The following AP3D1 variants were observed in gnomAD, a reference collection of about 807,000 sequenced individuals.
The protein encoded by AP3D1 is AP-3 complex subunit delta-1.
Under a neutral mutation model 147.6 loss-of-function variants are expected in AP3D1, and 51 were observed. That is an observed-to-expected ratio of 0.35 (90% CI 0.28 to 0.44). The LOEUF is 0.44. Among genes scored for constraint, AP3D1 ranks in the 20% least tolerant of loss-of-function variants. The probability of loss-of-function intolerance (pLI) is 1.00; values close to 1 mark genes in which losing one functional copy is unlikely to be tolerated. For synonymous variants in AP3D1, 760 were observed against 663.0 expected (o/e 1.15, Z -2.25); for missense variants, 1,421 against 1,624.2 (o/e 0.87, Z 2.15).
chr19:2,129,105 G>A lies in AP3D1; in HGVS notation c.791C>T (p.Thr264Ile). Reference protein sequence around the residue: ...RLGKKLIEPLTNLIHSTSAMS... With the variant: ...RLGKKLIEPLINLIHSTSAMS... ...CTGCACTCACCTGTGGATGAGATTG[G>A]TGAGGGGCTCGATCAGCTTCTTGCC... Residue 264 changes from threonine to isoleucine, a missense_variant, in exon 8 of 32, where the codon ACC becomes ATC. Thr to Ile is a moderately conservative substitution (Grantham distance 89). This residue lies in a region of AP3D1 where 292 missense variants were observed against 412.0 expected (regional missense o/e 0.71). Coordinates refer to ENST00000643116, the MANE Select transcript of AP3D1 (RefSeq NM_001261826.3). The A allele has an allele frequency of 6.3e-7, 1 of 1,589,690 alleles. No homozygotes were observed. The highest frequency in any genetic ancestry group is 8.6e-7 in the Non-Finnish European group (1 of 1,169,120).
intron 1 of AP3D1, among the ~76,000 whole-genome samples, chr19:2,147,443 C>T (rs1222876093): frequency 7.1e-6 from 1 of 141,418 alleles, no homozygotes; most frequent in Non-Finnish European, 1.5e-5. Context: ...AGTTGGAGTC[C>T]GCTGGGGAGG....
At chr19:2,132,330 G>T in intron 5 of AP3D1, 141 bp downstream of exon 5, 1 of 671,166 alleles carries the variant, frequency 1.5e-6, no homozygotes, top group Admixed American at 2.5e-5. Flanking sequence ...AGCTGACAGT[G>T]ATTTGGTTCC....
intron 31 of AP3D1, among the ~76,000 whole-genome samples, chr19:2,107,027 G>A (rs924042978): frequency 1.1e-4 from 17 of 152,278 alleles, no homozygotes; most frequent in African/African-American, 3.1e-4. Context: ...ACTTTGGGAG[G>A]CCGAGGCAGA....
At chr19:2,130,794 T>C (rs1013946201) in intron 5 of AP3D1, among the ~76,000 whole-genome samples, 15 of 152,154 alleles carry the variant, frequency 9.9e-5, no homozygotes, top group African/African-American at 2.7e-4. Flanking sequence ...GGTCCCACAG[T>C]GGGAGGAAGG....
chr19:2,113,263 G>C, intron 23 of AP3D1, 73 bp downstream of exon 23: 1 of 833,354 alleles, frequency 1.2e-6, no homozygotes. Context: ...GGAGACCCAG[G>C]GCTCTTCCCT....
chr19:2,136,195 G>A (rs920801719), intron 4 of AP3D1, among the ~76,000 whole-genome samples: 8 of 152,378 alleles, frequency 5.3e-5, no homozygotes, highest in East Asian at 1.9e-4. Flanking sequence ...CCACAACGGT[G>A]AGCCCAGCAG....
rs1366374851 is a variant in AP3D1 at position 2,128,996 on chromosome 19, G to A, written c.806+94C>T. 5.8e-4 allele frequency: 152 copies of A among 260,492 alleles called. 11 individuals carry two copies. The highest frequency in any genetic ancestry group is 1.1e-3 in the South Asian group (38 of 34,534). The allele number at this position is 260,492 out of a possible 1,614,324, so 16.1% of individuals were successfully genotyped here. ...GGAGCCGGCCCGCCCCCGCCGCTCC[G>A]ACACTGCACCCCGTGGAGCCGGCCC... On this transcript the variant is annotated intron_variant, in intron 8 of 31. Transcript: ENST00000643116.
At chr19:2,111,130 G>T in intron 26 of AP3D1, 155 bp downstream of exon 26, 1 of 1,045,844 alleles carries the variant, frequency 9.6e-7, no homozygotes. Context: ...CTTACCCCAA[G>T]CCAGAGGTGC....
chr19:2,140,269 T>C (rs1009893855), intron 1 of AP3D1, among the ~76,000 whole-genome samples: 5 of 152,126 alleles, frequency 3.3e-5, no homozygotes, highest in Admixed American at 3.3e-4. Context: ...CTGGGGTTCC[T>C]CCACGGTTCC....
intron 15 of AP3D1, 56 bp downstream of exon 15, chr19:2,118,545 A>G (rs1043827031): frequency 4.6e-6 from 7 of 1,531,138 alleles, no homozygotes; most frequent in Non-Finnish European, 6.2e-6. Flanking sequence ...GCCACTGGAC[A>G]GAAAGGCACT....
chr19:2,103,893 G>A (rs1048395206), intron 31 of AP3D1, among the ~76,000 whole-genome samples: 8 of 151,658 alleles, frequency 5.3e-5, no homozygotes, highest in Non-Finnish European at 7.4e-5. Context: ...TGGCAAGGCC[G>A]TCGGTAGACC....
chr19:2,123,244 G>A, intron 11 of AP3D1, 114 bp downstream of exon 11: 6 of 1,089,984 alleles, frequency 5.5e-6, no homozygotes, highest in Non-Finnish European at 6.8e-6. Flanking sequence ...CATCCATCAG[G>A]GAGACAGCTG....
chr19:2,146,607 C>T (rs1329932647), intron 1 of AP3D1, among the ~76,000 whole-genome samples: 1 of 66,664 alleles, frequency 1.5e-5, no homozygotes, highest in Non-Finnish European at 3.3e-5. Context: ...GACCCTGTCT[C>T]AAAAAAAAAA....
At chr19:2,164,424 G>A (rs913373127) in exon 1 of AP3D1, 12 of 457,594 alleles carry the variant, frequency 2.6e-5, no homozygotes, top group Non-Finnish European at 4.1e-5. Flanking sequence ...CTTCCCGGCC[G>A]AGGGCCCCGC....
chr19:2,124,876 T>C (rs1294380038), intron 9 of AP3D1, among the ~76,000 whole-genome samples: 2 of 152,044 alleles, frequency 1.3e-5, no homozygotes, highest in Non-Finnish European at 2.9e-5. Flanking sequence ...GAGGCAGAGG[T>C]TGCGGTGAGC....
At chr19:2,113,244 A>C (rs1351675475) in intron 23 of AP3D1, 92 bp downstream of exon 23, 4 of 711,788 alleles carry the variant, frequency 5.6e-6, no homozygotes, top group Admixed American at 2.9e-5. Context: ...GCGAGAGCAC[A>C]GGGCCTCAGG....
intron 1 of AP3D1, among the ~76,000 whole-genome samples, chr19:2,142,415 G>A (rs1272509117): frequency 6.6e-6 from 1 of 152,136 alleles, no homozygotes; most frequent in African/African-American, 2.4e-5. Context: ...CTCCCACAGT[G>A]CTGGGATTAA....
intron 18 of AP3D1, 130 bp downstream of exon 18, chr19:2,116,077 A>G: frequency 1.1e-6 from 1 of 882,084 alleles, no homozygotes; most frequent in Non-Finnish European, 1.7e-6. Flanking sequence ...GGCTCCGCAC[A>G]GTCACCGTGT....
Position 2,110,181 on chromosome 19 carries a change from G to A in AP3D1, c.3219C>T (p.Ile1073=), listed in dbSNP as rs756440427. 3.7e-6 allele frequency: 6 copies of A among 1,612,800 alleles called. No individual in the cohort carries two copies. The highest frequency in any genetic ancestry group is 4.2e-6 in the Non-Finnish European group (5 of 1,179,984). Residue 1073 remains isoleucine (I), a synonymous_variant, in exon 28 of 32, where the codon ATC becomes ATT. Coordinates refer to ENST00000643116, the MANE Select transcript of AP3D1 (RefSeq NM_001261826.3). ...TCCCCTTGAGCTTCTGCGCCATGAC[G>A]ATGCTCTGGATGGTGAACACATACT... ...EAQYVFTIQS[I]VMAQKLKGTL... is the part of the protein sequence containing the mutation.
Sources: allele counts gnomAD v4.1 joint callset (sites outside exome capture counted in the v4.1 genomes callset), GRCh38; gene constraint gnomAD v4.1.1; regional missense constraint gnomAD v4.1.1; transcripts MANE v1.5; gene names NCBI Gene and HGNC (gene_info 2026-07-23, HGNC 2026-07-21).